The following KCNC4 variants were observed in gnomAD, a reference collection of about 807,000 sequenced individuals.
KCNC4 encodes the protein voltage-gated potassium channel KCNC4.
In KCNC4, 23 loss-of-function variants were observed where a neutral mutation model predicts 42.8. That is an observed-to-expected ratio of 0.54 (90% confidence interval 0.39 to 0.76). KCNC4 has a LOEUF of 0.76. Among genes scored for constraint, KCNC4 ranks in the 30% least tolerant of loss-of-function variants. The probability of loss-of-function intolerance (pLI) is 0.00; values close to 1 mark genes in which losing one functional copy is unlikely to be tolerated. For missense variants in KCNC4, 751 were observed against 898.2 expected (o/e 0.84, Z 2.10); for synonymous variants, 422 against 393.5 (o/e 1.07, Z -0.86).
chr1:110,226,965 C>T lies in KCNC4; in HGVS notation c.1819+787C>T, dbSNP rs368065258. ...GAATGATCAAGGATGGTGGAGGGCCCGCGGTGGCTGAGAACCAGGGGTCTT... is the reference window on the plus strand; with the variant it reads ...GAATGATCAAGGATGGTGGAGGGCCTGCGGTGGCTGAGAACCAGGGGTCTT... On this transcript the variant is annotated intron_variant, in intron 3 of 3. Transcript: ENST00000438661. Among the ~76,000 whole-genome samples the T allele has an allele frequency of 4.2e-4, 64 of 152,282 alleles. No individual in the cohort carries two copies. The South Asian group carries it at 8.3e-3, about 20-fold the overall frequency.
rs1196895525 is a variant in KCNC4 at position 110,234,012 on chromosome 1, C to T, written c.*1040C>T. ...TGCTGTGCTCGAGCCCCAATAAAGA[C>T]ATCTGGAGCATCCTGCTGCTCCTGC... On this transcript the variant is annotated 3_prime_UTR_variant, in exon 4 of 4. Transcript: ENST00000438661. 8 of 152,416 alleles carry T rather than the reference C, an allele frequency of 5.2e-5. No homozygotes were observed. The highest frequency in any genetic ancestry group is 1.9e-4 in the African/African-American group (8 of 41,558). 9.4% of individuals were successfully genotyped at this position (152,416 alleles called of 1,614,324 possible).
chr1:110,270,491 T>G (rs1659617242), intron 1 of KCNC4, among the ~76,000 whole-genome samples: 1 of 152,208 alleles, frequency 6.6e-6, no homozygotes, highest in Non-Finnish European at 1.5e-5. Context: ...AGAGGCAGCC[T>G]GATGACCCTG....
chr1:110,238,675 G>A (rs908344627), downstream of KCNC4: 1 of 152,148 alleles, frequency 6.6e-6, no homozygotes, highest in African/African-American at 2.4e-5. Flanking sequence ...CCCTGATGCC[G>A]AGCTGTGATC....
chr1:110,266,835 C>T (rs1008653485), intron 1 of KCNC4, among the ~76,000 whole-genome samples: 6 of 152,160 alleles, frequency 3.9e-5, no homozygotes, highest in Admixed American at 6.5e-5. Flanking sequence ...TCCCCGGACC[C>T]GAGGACCCCG....
At chr1:110,227,783 T>C (rs1009157381) in intron 3 of KCNC4, among the ~76,000 whole-genome samples, 1 of 152,010 alleles carries the variant, frequency 6.6e-6, no homozygotes, top group African/African-American at 2.4e-5. Flanking sequence ...TCAGTGGAAA[T>C]AGGTGTGGAA....
chr1:110,219,352 G>A (rs370785715), intron 1 of KCNC4, among the ~76,000 whole-genome samples: 12 of 152,246 alleles, frequency 7.9e-5, no homozygotes, highest in East Asian at 7.7e-4. Context: ...TAATCCTACC[G>A]TAACACTGTG....
chr1:110,226,879 C>T (rs1658425679), intron 3 of KCNC4, among the ~76,000 whole-genome samples: 1 of 152,180 alleles, frequency 6.6e-6, no homozygotes, highest in African/African-American at 2.4e-5. Context: ...AAGCCTGCGG[C>T]AAGGCAAGGG....
intron 3 of KCNC4, among the ~76,000 whole-genome samples, chr1:110,227,664 C>G (rs567801201): frequency 1.3e-5 from 2 of 152,236 alleles, no homozygotes; most frequent in East Asian, 3.8e-4. Flanking sequence ...CTTGCTCTGG[C>G]TGGACCGTGC....
At chr1:110,231,302 C>T (rs1015143652) in intron 3 of KCNC4, among the ~76,000 whole-genome samples, 1 of 152,106 alleles carries the variant, frequency 6.6e-6, no homozygotes, top group Non-Finnish European at 1.5e-5. Context: ...CTCTGGCCAG[C>T]GTCACCCTCT....
chr1:110,211,292 C>A lies in KCNC4; in HGVS notation c.-208C>A, dbSNP rs1244643319. On this transcript the variant is annotated 5_prime_UTR_variant, in exon 1 of 4. Transcript: ENST00000438661. This position sits in a 1 kb window ranked among gnomAD's most constrained non-coding sequence, Gnocchi z 6.5. ...TCTCTCCGGAGCTTCCTGCCCTAACCCCAACCACCTGTGTACCGGAGAAAT... is the reference window on the plus strand; with the variant it reads ...TCTCTCCGGAGCTTCCTGCCCTAACACCAACCACCTGTGTACCGGAGAAAT... 2.8e-6 allele frequency: 2 copies of A among 706,756 alleles called. No homozygotes were observed. Among genetic ancestry groups the A allele is most frequent in the East Asian group, 5.6e-5 (2 of 35,898 alleles). 43.8% of individuals were successfully genotyped at this position (706,756 alleles called of 1,614,324 possible).
At chr1:110,259,258 G>A (rs1659387179) in intron 1 of KCNC4, among the ~76,000 whole-genome samples, 2 of 152,156 alleles carry the variant, frequency 1.3e-5, no homozygotes, top group Non-Finnish European at 1.5e-5. Flanking sequence ...GGAACCCACC[G>A]GAACACTTTC....
chr1:110,223,108 G>A lies in KCNC4; in HGVS notation c.823G>A (p.Val275Ile). ...NITSVHFRRE[V>I]ETEPILTYIE... ...CACCAGCGTGCACTTCCGGCGGGAG[G>A]TAGAGACAGAGCCCATCCTGACCTA... Residue 275 changes from valine (V) to isoleucine (I), a missense_variant, in exon 2 of 4, where the codon GTA becomes ATA. Val to Ile is a conservative substitution (Grantham distance 29, BLOSUM62 3). Transcript: ENST00000438661. This position sits in a 1 kb window ranked among gnomAD's most constrained non-coding sequence, Gnocchi z 7.5. The A allele has an allele frequency of 1.9e-6, 3 of 1,614,208 alleles. No homozygotes were observed. Among genetic ancestry groups the A allele is most frequent in the South Asian group, 2.2e-5 (2 of 91,086 alleles).
chr1:110,252,166 G>C (rs888292025), downstream of KCNC4, among the ~76,000 whole-genome samples: 1 of 152,198 alleles, frequency 6.6e-6, no homozygotes, highest in Admixed American at 6.5e-5. Flanking sequence ...ATCTTATCAG[G>C]CATTGGCACG....
chr1:110,239,338 AC>A (rs1386977476), exon 4 of KCNC4: 10 of 149,828 alleles, frequency 6.7e-5, no homozygotes, highest in Admixed American at 4.0e-4. Context: ...GGACCACTTC[AC>A]CCCAGTCCAG....
At chr1:110,227,561 T>C (rs1226663898) in intron 3 of KCNC4, among the ~76,000 whole-genome samples, 1 of 152,194 alleles carries the variant, frequency 6.6e-6, no homozygotes, top group Non-Finnish European at 1.5e-5. Context: ...TTCACCCCCG[T>C]GTCCTATCCT....
chr1:110,232,967 T>G lies in KCNC4; in HGVS notation c.1876T>G (p.Ser626Ala). The change falls in exon 4 of 4, where the codon TCT becomes GCT. Residue 626 changes from serine (S) to alanine (A), a missense_variant. Physicochemically the swap from Ser to Ala is moderately conservative, Grantham distance 99. Coordinates refer to ENST00000438661, the MANE Select transcript of KCNC4 (RefSeq NM_001039574.3). ...NYAQAEVLTL[S>A] Reference sequence around the variant, plus strand: ...TGCCCAGGCTGAAGTCCTCACCCTCTCTTAAAGCGGCACCAACGTGAGAGA... The same window carrying G: ...TGCCCAGGCTGAAGTCCTCACCCTCGCTTAAAGCGGCACCAACGTGAGAGA... 6.2e-7 allele frequency: 1 copy of G among 1,610,798 alleles called. No homozygotes were observed. The highest frequency in any genetic ancestry group is 8.5e-7 in the Non-Finnish European group (1 of 1,178,706).
chr1:110,272,348 C>T (rs1659650160), intron 1 of KCNC4: 2 of 152,220 alleles, frequency 1.3e-5, no homozygotes, highest in African/African-American at 2.4e-5. Flanking sequence ...ATGCTGTAAA[C>T]AGGCTGAAGT....
At chr1:110,245,785 G>C (rs1285431972) in exon 4 of KCNC4, 1 of 152,134 alleles carries the variant, frequency 6.6e-6, no homozygotes, top group African/African-American at 2.4e-5. Flanking sequence ...CACGTATCTT[G>C]TCTTCAGGTA....
rs60875298 is a variant in KCNC4, at chr1:110,262,874, G to T, written n.31-19660G>T. ...AGGACTGATAATAAGCATTTGTCGT[G>T]ATGAGGACGTCCTGTCTTTCCCGCC... On this transcript the variant is annotated intron_variant and non_coding_transcript_variant, in intron 1 of 2. Coordinates refer to the KCNC4 transcript ENST00000412512. 3.8e-3 allele frequency among the ~76,000 whole-genome samples: 577 copies of T among 152,296 alleles called. 6 individuals carry two copies. Among genetic ancestry groups the T allele is most frequent in the African/African-American group, 0.013 (544 of 41,554 alleles).
Sources: gnomAD v4.1 joint callset for allele counts (sites outside exome capture counted in the v4.1 genomes callset) on GRCh38, gnomAD v4.1.1 for gene constraint, Gnocchi (gnomAD v3.1) non-coding constraint, MANE v1.5 for transcripts, NCBI Gene and HGNC (gene_info 2026-07-23, HGNC 2026-07-21) for gene names.